Variants in FAT4 observed in about 807,000 individuals in gnomAD.
FAT4 encodes the protein FAT atypical cadherin 4.
A neutral mutation model predicts 303.9 loss-of-function variants in FAT4; 84 were observed. That is an observed-to-expected ratio of 0.28 (90% CI 0.23 to 0.33). The LOEUF is 0.33. Ranked by LOEUF, FAT4 falls within the 10% of genes least tolerant of loss-of-function variation. The probability of loss-of-function intolerance (pLI) is 1.00; values close to 1 mark genes in which losing one functional copy is unlikely to be tolerated. For synonymous variants in FAT4, 2,307 were observed against 2,298.8 expected, an observed-to-expected ratio of 1.00 and a Z score of -0.10; for missense variants, 6,005 against 6,146.8, an observed-to-expected ratio of 0.98 and a Z score of 0.77.
At chr4:125,333,867 C>T (rs1731475521) in intron 2 of FAT4, among the ~76,000 whole-genome samples, 1 of 152,102 alleles carries the variant, frequency 6.6e-6, no homozygotes, top group Non-Finnish European at 1.5e-5. Context: ...CTATCACATA[C>T]ACTCTAACTT....
At chr4:125,458,596 A>G (rs1373012936) in intron 10 of FAT4, among the ~76,000 whole-genome samples, 1 of 152,004 alleles carries the variant, frequency 6.6e-6, no homozygotes, top group East Asian at 1.9e-4. Context: ...GGCAGTTTAC[A>G]TTAGGTAATA....
At chr4:125,467,141 A>T (rs1224453403) in intron 11 of FAT4, among the ~76,000 whole-genome samples, 2 of 131,946 alleles carry the variant, frequency 1.5e-5, no homozygotes, top group Non-Finnish European at 3.4e-5. Flanking sequence ...GAAAAGGAAA[A>T]GATAAATAAC....
chr4:125,323,348 T>C (rs1487521706), intron 2 of FAT4, among the ~76,000 whole-genome samples: 1 of 152,194 alleles, frequency 6.6e-6, no homozygotes, highest in Non-Finnish European at 1.5e-5. Context: ...GTGCTGCCTC[T>C]GCAATAGGCA....
intron 3 of FAT4, among the ~76,000 whole-genome samples, chr4:125,404,951 G>A (rs1734531282): frequency 6.6e-6 from 1 of 150,604 alleles, no homozygotes; most frequent in African/African-American, 2.4e-5. Flanking sequence ...TACAGGTTGA[G>A]TATTTCTTAT....
At chr4:125,355,220 C>A (rs1732380821) in intron 2 of FAT4, among the ~76,000 whole-genome samples, 1 of 151,812 alleles carries the variant, frequency 6.6e-6, no homozygotes, top group South Asian at 2.1e-4. Context: ...TTTATACATT[C>A]ATGTAATAAT....
intron 2 of FAT4, among the ~76,000 whole-genome samples, chr4:125,374,473 C>T (rs1733240913): frequency 6.6e-6 from 1 of 152,160 alleles, no homozygotes; most frequent in African/African-American, 2.4e-5. Flanking sequence ...GCCATCTTGG[C>T]TTCAACAGAA....
rs557542395 is a variant in FAT4 at position 125,321,445 on chromosome 4, A to G, written c.5034A>G (p.Gly1678=). The change falls in exon 2 of 18, where the codon GGA becomes GGG. Residue 1678 remains glycine, a synonymous_variant. Transcript: ENST00000394329. ...TTCGTTGTGAAGAAAAAACTGTTGG[A>G]CGCCTCTTTACTATTGGACGACATA... ...VSVRCEEKTV[G]RLFTIGRHTG... is the part of the protein sequence containing the mutation. 2.4e-5 allele frequency: 38 copies of G among 1,614,092 alleles called. No homozygotes were observed. In the East Asian group the frequency reaches 8.2e-4, roughly 35 times the overall value.
chr4:125,430,811 G>C (rs761520924), intron 7 of FAT4, among the ~76,000 whole-genome samples: 54 of 152,146 alleles, frequency 3.5e-4, no homozygotes, highest in Non-Finnish European at 1.3e-4. Context: ...CGTGGCTTAA[G>C]GATCATCTGC....
intron 2 of FAT4, among the ~76,000 whole-genome samples, chr4:125,345,746 TAC>T (rs902000135): frequency 9.9e-4 from 151 of 152,182 alleles, no homozygotes; most frequent in African/African-American, 3.3e-3. Context: ...ATAAATGGAA[TAC>T]AGATTTACCC....
chr4:125,448,695 A>G lies in FAT4; in HGVS notation c.7685A>G (p.Asn2562Ser). ...ACAACAGTGACTGTTAGATTCGTGA[A>G]TAAGGCCGATTTCCCTAAAGTGAGA... The part of the protein sequence containing the change: ...DSTTVTVRFV[N>S]KADFPKVRAK... The change falls in exon 10 of 18, where the codon AAT becomes AGT. Residue 2562 changes from asparagine (N) to serine (S), a missense_variant. Coordinates refer to ENST00000394329, the MANE Select transcript of FAT4 (RefSeq NM_001291303.3). The G allele has an allele frequency of 6.2e-7, 1 of 1,613,974 alleles. No individual in the cohort carries two copies. Among genetic ancestry groups the G allele is most frequent in the South Asian group, 1.1e-5 (1 of 91,082 alleles).
At chr4:125,338,641 T>G (rs1026982802) in intron 2 of FAT4, among the ~76,000 whole-genome samples, 5 of 152,032 alleles carry the variant, frequency 3.3e-5, no homozygotes, top group African/African-American at 1.2e-4. Flanking sequence ...TATCAGAAAA[T>G]CTAAAAGATT....
Position 125,320,575 on chromosome 4 carries a change from A to C in FAT4, c.4164A>C (p.Leu1388Phe), listed in dbSNP as rs774597173. ...TTGAAACACAGTCTTTGTATAAATT[A>C]AATATAACAGCAAAAGACCAAGGAA... ...LDFETQSLYK[L>F]NITAKDQGRP... is the part of the protein sequence containing the mutation. Residue 1388 changes from leucine (L) to phenylalanine (F), a missense_variant, in exon 2 of 18, where the codon TTA becomes TTC. By Grantham distance (22) the Leu-to-Phe change is conservative (BLOSUM62 0). Coordinates refer to ENST00000394329, the MANE Select transcript of FAT4 (RefSeq NM_001291303.3). 1 of 1,614,000 alleles carries C rather than the reference A, an allele frequency of 6.2e-7. No homozygotes were observed. The highest frequency in any genetic ancestry group is 8.5e-7 in the Non-Finnish European group (1 of 1,179,884).
In FAT4 at chr4:125,450,781, C is replaced by T; in HGVS notation, c.9771C>T (p.Phe3257=). 1 of 1,614,124 alleles carries T rather than the reference C, an allele frequency of 6.2e-7. No individual in the cohort carries two copies. Among genetic ancestry groups the T allele is most frequent in the Non-Finnish European group, 8.5e-7 (1 of 1,180,010 alleles). ...CAGGAGTCATAACCACTCAAGGCTT[C>T]TTGGATTTTGAAACCAAGCAGAGCT... ...PNTGVITTQG[F]LDFETKQSYH... Residue 3257 remains phenylalanine, a synonymous_variant, in exon 10 of 18, where the codon TTC becomes TTT. Coordinates refer to ENST00000394329, the MANE Select transcript of FAT4 (RefSeq NM_001291303.3).
chr4:125,475,415 A>C (rs1379783947), intron 12 of FAT4, among the ~76,000 whole-genome samples: 1 of 152,090 alleles, frequency 6.6e-6, no homozygotes, highest in Non-Finnish European at 1.5e-5. Flanking sequence ...TTTATCAATC[A>C]AAAGGAGTAT....
chr4:125,368,854 C>T (rs1014212807), intron 2 of FAT4, among the ~76,000 whole-genome samples: 11 of 152,034 alleles, frequency 7.2e-5, no homozygotes, highest in South Asian at 2.1e-4. Context: ...TCCATGCTTT[C>T]GTGGCCTCAG....
chr4:125,321,300 C>G lies in FAT4; in HGVS notation c.4889C>G (p.Thr1630Ser), dbSNP rs1730932870. Residue 1630 changes from threonine to serine, a missense_variant, in exon 2 of 18, where the codon ACT becomes AGT. Transcript: ENST00000394329. ...ILQGLDGPVF[T>S]QPKYITILKE... The stretch of plus-strand genomic sequence containing the variant: ...CAGGGCCTTGATGGACCTGTTTTTA[C>G]TCAACCCAAATATATAACTATTTTG... The G allele has an allele frequency of 6.2e-7, 1 of 1,613,984 alleles. No homozygotes were observed. The highest frequency in any genetic ancestry group is 1.7e-5 in the Admixed American group (1 of 59,988).
At position 125,449,406 on chromosome 4, in the gene FAT4, C is replaced by CTGATGAAGA; in HGVS notation, c.8397_8405dup (p.Asp2800_Asp2802dup). 6.2e-7 allele frequency: 1 copy of CTGATGAAGA among 1,613,750 alleles called. No homozygotes were observed. The highest frequency in any genetic ancestry group is 8.5e-7 in the Non-Finnish European group (1 of 1,179,814). ...TACACAGTTACCCGTGTCACAACTT[C>CTGATGAAGA]TGATGAAGACATTGGGATCAATGCA... On this transcript the variant is annotated inframe_insertion, in exon 10 of 18. Coordinates refer to ENST00000394329, the MANE Select transcript of FAT4 (RefSeq NM_001291303.3).
intron 2 of FAT4, among the ~76,000 whole-genome samples, chr4:125,348,312 T>C (rs1336130908): frequency 1.3e-5 from 2 of 151,794 alleles, no homozygotes; most frequent in Non-Finnish European, 2.9e-5. Flanking sequence ...ACTTTAGAGT[T>C]CAGAGAACAC....
intron 2 of FAT4, among the ~76,000 whole-genome samples, chr4:125,388,942 C>T (rs1733872863): frequency 6.6e-6 from 1 of 152,070 alleles, no homozygotes; most frequent in African/African-American, 2.4e-5. Context: ...CATCAAAATC[C>T]CAGGAACATG....
Sources: gnomAD v4.1 joint callset for allele counts (sites outside exome capture counted in the v4.1 genomes callset) on GRCh38, gnomAD v4.1.1 for gene constraint, MANE v1.5 for transcripts, NCBI Gene and HGNC (gene_info 2026-07-23, HGNC 2026-07-21) for gene names.